The following ZNF131 variants were observed in gnomAD, a reference collection of about 807,000 sequenced individuals.
ZNF131 encodes the protein zinc finger protein 131.
A neutral mutation model predicts 60.0 loss-of-function variants in ZNF131; 7 were observed. The ratio of observed to expected loss-of-function variants is 0.12; its 90% confidence interval spans 0.07 to 0.22. The LOEUF (loss-of-function observed/expected upper bound fraction) is 0.22, where lower values mean the gene tolerates loss of function less well. Ranked by LOEUF, ZNF131 falls within the 10% of genes least tolerant of loss-of-function variation. The pLI is 1.00. For missense variants in ZNF131, 493 were observed against 740.9 expected, an observed-to-expected ratio of 0.67 and a Z score of 3.88; for synonymous variants, 257 against 253.2, an observed-to-expected ratio of 1.01 and a Z score of -0.14.
chr5:43,150,172 T>A (rs1176544460), intron 4 of ZNF131, among the ~76,000 whole-genome samples: 1 of 152,170 alleles, frequency 6.6e-6, no homozygotes, highest in Non-Finnish European at 1.5e-5. Flanking sequence ...AACCCAAATC[T>A]TCTATAATGA....
At chr5:43,143,451 C>A (rs1272853678) in intron 4 of ZNF131, 1 of 1,386,488 alleles carries the variant, frequency 7.2e-7, no homozygotes, top group Non-Finnish European at 9.6e-7. Flanking sequence ...TTATCATCTT[C>A]AACTACACGC....
At chr5:43,123,155 C>G in intron 2 of ZNF131, 54 bp from the exon 3 acceptor site, 1 of 1,396,218 alleles carries the variant, frequency 7.2e-7, no homozygotes, top group Non-Finnish European at 9.8e-7. Flanking sequence ...TGTAGTTATA[C>G]ATTTGATTTT....
intron 4 of ZNF131, among the ~76,000 whole-genome samples, chr5:43,145,487 T>C (rs1260213427): frequency 6.6e-6 from 1 of 152,100 alleles, no homozygotes; most frequent in Non-Finnish European, 1.5e-5. Context: ...ACATCGTCTT[T>C]ACTAAAAATA....
At position 43,161,870 on chromosome 5, in the gene ZNF131, G is replaced by A. The variant is rs750813440; in HGVS notation, c.993G>A (p.Gln331=). The A allele has an allele frequency of 2.5e-6, 4 of 1,613,052 alleles. No homozygotes were observed. The highest frequency in any genetic ancestry group is 1.7e-5 in the Admixed American group (1 of 59,816). Residue 331 remains glutamine, a synonymous_variant, in exon 5 of 7, where the codon CAG becomes CAA. Coordinates refer to ENST00000682664, the MANE Select transcript of ZNF131 (RefSeq NM_001330707.2). ...QRTGKKIHVC[Q]YCEKQFDHFG... ...CTGGGAAAAAAATTCATGTATGTCAGTACTGTGAGAAACAGTTTGACCATT... is the reference window on the plus strand; with the variant it reads ...CTGGGAAAAAAATTCATGTATGTCAATACTGTGAGAAACAGTTTGACCATT...
chr5:43,170,740 C>G (rs1750878629), intron 5 of ZNF131, among the ~76,000 whole-genome samples: 3 of 149,882 alleles, frequency 2.0e-5, no homozygotes, highest in South Asian at 2.1e-4. Flanking sequence ...TCAAGTGATT[C>G]TCCTGCCTCA....
At chr5:43,127,961 A>T (rs988672185) in intron 3 of ZNF131, among the ~76,000 whole-genome samples, 7 of 152,214 alleles carry the variant, frequency 4.6e-5, no homozygotes, top group African/African-American at 1.7e-4. Flanking sequence ...AGCCCCTACT[A>T]TCAAGAACAA....
intron 4 of ZNF131, among the ~76,000 whole-genome samples, chr5:43,144,237 CTTTTTTTTTTTTTTTTT>C (rs935655531): frequency 3.1e-5 from 2 of 65,318 alleles, no homozygotes; most frequent in African/African-American, 1.2e-4. Flanking sequence ...TTCTTTCTTT[CTTTTTTTTTTTTTTTTT>C]TTTTTTTTTT....
At chr5:43,147,609 A>G (rs1266636833) in intron 4 of ZNF131, among the ~76,000 whole-genome samples, 2 of 150,894 alleles carry the variant, frequency 1.3e-5, no homozygotes, top group African/African-American at 4.8e-5. Context: ...TTTAGTAGAG[A>G]TGGGGTTTCA....
chr5:43,130,797 C>A (rs920885383), intron 3 of ZNF131, among the ~76,000 whole-genome samples: 3 of 151,974 alleles, frequency 2.0e-5, no homozygotes, highest in Non-Finnish European at 4.4e-5. Context: ...AACTCCCGAT[C>A]TCAGATGATC....
chr5:43,172,772 C>T (rs1394877584), intron 5 of ZNF131, among the ~76,000 whole-genome samples: 1 of 152,160 alleles, frequency 6.6e-6, no homozygotes, highest in African/African-American at 2.4e-5. Flanking sequence ...AATTGACCCC[C>T]TCCTCTGTGC....
intron 4 of ZNF131, among the ~76,000 whole-genome samples, chr5:43,158,196 G>T (rs1475974206): frequency 6.6e-6 from 1 of 152,186 alleles, no homozygotes; most frequent in Non-Finnish European, 1.5e-5. Context: ...TCAAACTCCC[G>T]ACCTCAGTTG....
At chr5:43,172,068 A>G (rs1360221342) in intron 5 of ZNF131, among the ~76,000 whole-genome samples, 3 of 152,198 alleles carry the variant, frequency 2.0e-5, no homozygotes, top group African/African-American at 7.2e-5. Context: ...TCTTAAAGGA[A>G]TTTTGGTAAT....
chr5:43,170,635 C>CCT (rs555220388), intron 5 of ZNF131, among the ~76,000 whole-genome samples: 1 of 141,448 alleles, frequency 7.1e-6, no homozygotes, highest in African/African-American at 2.6e-5. Context: ...TCTTTGTCCC[C>CCT]TTTTTTTTTT....
chr5:43,154,446 G>A (rs1188959084), intron 4 of ZNF131, among the ~76,000 whole-genome samples: 1 of 152,030 alleles, frequency 6.6e-6, no homozygotes, highest in Non-Finnish European at 1.5e-5. Context: ...AGAAATGTCG[G>A]CAATGGTGAA....
intron 5 of ZNF131, among the ~76,000 whole-genome samples, chr5:43,171,632 A>T (rs1751004687): frequency 6.6e-6 from 1 of 151,686 alleles, no homozygotes; most frequent in Non-Finnish European, 1.5e-5. Flanking sequence ...TTATTTATTT[A>T]TTTTTTTTGA....
chr5:43,146,167 C>G (rs11742417), intron 4 of ZNF131, among the ~76,000 whole-genome samples: 8,049 of 152,248 alleles, frequency 0.053, 320 homozygotes, highest in South Asian at 0.13. Context: ...ACAGAAGGTG[C>G]ATGAGGTGCT....
intron 5 of ZNF131, among the ~76,000 whole-genome samples, chr5:43,172,043 T>C (rs1303513815): frequency 1.3e-5 from 2 of 152,262 alleles, no homozygotes; most frequent in African/African-American, 4.8e-5. Flanking sequence ...CCACCATGTT[T>C]GGCCTTGTAG....
In ZNF131 at chr5:43,123,203, A is replaced by T; in HGVS notation, c.125-6A>T. The T allele has an allele frequency of 6.3e-7, 1 of 1,588,968 alleles. No homozygotes were observed. The highest frequency in any genetic ancestry group is 8.5e-7 in the Non-Finnish European group (1 of 1,171,954). On this transcript the variant is annotated splice_region_variant and splice_polypyrimidine_tract_variant and intron_variant, in intron 2 of 6. Transcript: ENST00000682664. The stretch of plus-strand genomic sequence containing the variant: ...TGATTTTCTTTTTTTTTCTTATTTT[A>T]CCTAGGACACCATTTTAAGGCTCAC...
chr5:43,130,133 G>A (rs1208582737), intron 3 of ZNF131, among the ~76,000 whole-genome samples: 1 of 151,452 alleles, frequency 6.6e-6, no homozygotes, highest in Non-Finnish European at 1.5e-5. Context: ...ACATGGCAGC[G>A]CGTGCCTGTA....
Sources: gnomAD v4.1 joint callset for allele counts (sites outside exome capture counted in the v4.1 genomes callset) on GRCh38, gnomAD v4.1.1 for gene constraint, MANE v1.5 for transcripts, NCBI Gene and HGNC (gene_info 2026-07-23, HGNC 2026-07-21) for gene names.